Variants in NDFIP2 observed in about 807,000 individuals in gnomAD.
NDFIP2 encodes the protein Nedd4 family interacting protein 2.
In NDFIP2, 19 loss-of-function variants were observed where a neutral mutation model predicts 36.0. That is an observed-to-expected ratio of 0.53 (90% CI 0.37 to 0.77). The LOEUF is 0.77. NDFIP2 is among the 30% of genes least tolerant of loss of function. The probability of loss-of-function intolerance (pLI) is 0.00; values close to 1 mark genes in which losing one functional copy is unlikely to be tolerated. For synonymous variants in NDFIP2, 181 were observed against 167.7 expected, an observed-to-expected ratio of 1.08 and a Z score of -0.61; for missense variants, 446 against 435.8, an observed-to-expected ratio of 1.02 and a Z score of -0.21.
At chr13:79,499,700 C>T (rs1873581539) in intron 1 of NDFIP2, among the ~76,000 whole-genome samples, 1 of 151,564 alleles carries the variant, frequency 6.6e-6, no homozygotes, top group African/African-American at 2.4e-5. Context: ...AGGAAAACTA[C>T]AAAACTTTGA....
At chr13:79,543,433 T>C in intron 4 of NDFIP2, 125 bp from the exon 5 acceptor site, 1 of 1,239,748 alleles carries the variant, frequency 8.1e-7, no homozygotes, top group Non-Finnish European at 1.1e-6. Context: ...TAAAGAAGGC[T>C]TAATTGGCAG....
intron 4 of NDFIP2, among the ~76,000 whole-genome samples, chr13:79,541,236 C>T (rs750944263): frequency 5.7e-4 from 87 of 151,800 alleles, no homozygotes; most frequent in Admixed American, 1.4e-3. Flanking sequence ...TTATGCAACT[C>T]AGAAGTCTTA....
intron 1 of NDFIP2, among the ~76,000 whole-genome samples, chr13:79,498,620 G>C (rs1194949979): frequency 6.6e-6 from 1 of 151,970 alleles, no homozygotes; most frequent in Non-Finnish European, 1.5e-5. Flanking sequence ...ATGTCAAAAA[G>C]TAGAAAGGGA....
chr13:79,485,450 A>G (rs1872932582), intron 1 of NDFIP2, among the ~76,000 whole-genome samples: 1 of 152,214 alleles, frequency 6.6e-6, no homozygotes, highest in Non-Finnish European at 1.5e-5. Context: ...GGATGAGATA[A>G]TGTATAATGA....
intron 1 of NDFIP2, among the ~76,000 whole-genome samples, chr13:79,514,174 T>C (rs978139128): frequency 1.3e-5 from 2 of 152,188 alleles, no homozygotes; most frequent in Admixed American, 6.5e-5. Context: ...GCAAAAGTAA[T>C]TGTGGTTTTG....
At chr13:79,497,250 C>T (rs180972384) in intron 1 of NDFIP2, among the ~76,000 whole-genome samples, 1 of 151,916 alleles carries the variant, frequency 6.6e-6, no homozygotes, top group Admixed American at 6.6e-5. Flanking sequence ...TTACTGGTAT[C>T]GGTTTTGGAT....
At chr13:79,540,616 G>A (rs1347729377) in intron 4 of NDFIP2, among the ~76,000 whole-genome samples, 6 of 152,046 alleles carry the variant, frequency 3.9e-5, no homozygotes, top group Admixed American at 3.3e-4. Flanking sequence ...TCATAAAACC[G>A]AGAAATAATT....
At chr13:79,482,382 C>A (rs372236595) in intron 1 of NDFIP2, among the ~76,000 whole-genome samples, 4 of 151,948 alleles carry the variant, frequency 2.6e-5, no homozygotes, top group African/African-American at 9.7e-5. Context: ...TTTGTGTATT[C>A]TGGTGGTGAC....
intron 3 of NDFIP2, among the ~76,000 whole-genome samples, chr13:79,537,336 C>T (rs1309441424): frequency 6.6e-6 from 1 of 152,080 alleles, no homozygotes; most frequent in Non-Finnish European, 1.5e-5. Flanking sequence ...GTCTTGAACT[C>T]CTGACTTCAA....
At chr13:79,518,367 A>G (rs1212400397) in intron 1 of NDFIP2, among the ~76,000 whole-genome samples, 1 of 152,180 alleles carries the variant, frequency 6.6e-6, no homozygotes, top group Non-Finnish European at 1.5e-5. Context: ...GTAACTTCAT[A>G]AATGATTTTA....
chr13:79,485,030 C>A (rs1187332116), intron 1 of NDFIP2, among the ~76,000 whole-genome samples: 1 of 152,088 alleles, frequency 6.6e-6, no homozygotes, highest in Non-Finnish European at 1.5e-5. Flanking sequence ...AAAGAGGTGA[C>A]CTCCAGGTTA....
intron 1 of NDFIP2, among the ~76,000 whole-genome samples, chr13:79,507,766 G>A: frequency 6.6e-6 from 1 of 151,210 alleles, no homozygotes; most frequent in African/African-American, 2.4e-5. Flanking sequence ...GTAAAAGATA[G>A]TTCTATATCC....
At chr13:79,497,408 C>T (rs944589508) in intron 1 of NDFIP2, among the ~76,000 whole-genome samples, 1 of 151,938 alleles carries the variant, frequency 6.6e-6, no homozygotes, top group Non-Finnish European at 1.5e-5. Flanking sequence ...ATTACTGTGG[C>T]TTTACCTTAG....
At chr13:79,497,753 G>T in intron 1 of NDFIP2, among the ~76,000 whole-genome samples, 1 of 141,554 alleles carries the variant, frequency 7.1e-6, no homozygotes, top group African/African-American at 2.6e-5. Flanking sequence ...CTTTAAATTT[G>T]GGTGTTCCTT....
chr13:79,483,052 A>G (rs1371487325), intron 1 of NDFIP2, among the ~76,000 whole-genome samples: 2 of 152,138 alleles, frequency 1.3e-5, no homozygotes, highest in Non-Finnish European at 2.9e-5. Context: ...GTTTTAAGAT[A>G]TTTGTTTTCC....
chr13:79,508,791 C>T (rs1873965811), intron 1 of NDFIP2, among the ~76,000 whole-genome samples: 2 of 152,158 alleles, frequency 1.3e-5, no homozygotes, highest in African/African-American at 4.8e-5. Flanking sequence ...TACCCAGTTC[C>T]TATTCAAGAT....
intron 6 of NDFIP2, among the ~76,000 whole-genome samples, chr13:79,549,841 G>A (rs1875834607): frequency 6.6e-6 from 1 of 151,892 alleles, no homozygotes; most frequent in Non-Finnish European, 1.5e-5. Flanking sequence ...TTCAGAAGGA[G>A]TCCCAAAAGG....
Position 79,509,246 on chromosome 13 carries a change from G to A in NDFIP2, c.322-11564G>A, listed in dbSNP as rs748161072. 2.0e-4 allele frequency among the ~76,000 whole-genome samples: 31 copies of A among 152,136 alleles called. 1 individual carries two copies. Among genetic ancestry groups the A allele is most frequent in the Admixed American group, 5.2e-4 (8 of 15,282 alleles). ...AGATATCAATCAGTATGTGTAAGAT[G>A]TACATTTATTTGGTTTGGAAAGGTG... On this transcript the variant is annotated intron_variant, in intron 1 of 7. Coordinates refer to ENST00000218652, the MANE Select transcript of NDFIP2 (RefSeq NM_019080.3).
At chr13:79,501,958 G>C (rs531908972) in intron 1 of NDFIP2, among the ~76,000 whole-genome samples, 1 of 152,166 alleles carries the variant, frequency 6.6e-6, no homozygotes, top group East Asian at 1.9e-4. Context: ...ACTTACTATG[G>C]CCTTGCCTCA....
Sources: allele counts gnomAD v4.1 joint callset (sites outside exome capture counted in the v4.1 genomes callset), GRCh38; gene constraint gnomAD v4.1.1; transcripts MANE v1.5; gene names NCBI Gene and HGNC (gene_info 2026-07-23, HGNC 2026-07-21).